The following TET3 variants were observed in gnomAD, a reference collection of about 807,000 sequenced individuals.
The protein encoded by TET3 is methylcytosine dioxygenase TET3.
Under a neutral mutation model 141.4 loss-of-function variants are expected in TET3, and 19 were observed. The observed-to-expected ratio is 0.13, with a 90% confidence interval of 0.09 to 0.20. The LOEUF is 0.20. Ranked by LOEUF, TET3 falls within the 10% of genes least tolerant of loss-of-function variation. The probability of loss-of-function intolerance (pLI) is 1.00; values close to 1 mark genes in which losing one functional copy is unlikely to be tolerated. For synonymous variants in TET3, 1,043 were observed against 980.9 expected (o/e 1.06, Z -1.18); for missense variants, 1,874 against 2,356.9 (o/e 0.80, Z 4.24).
chr2:74,132,984 G>A, the TET3 span, among the ~76,000 whole-genome samples: 1 of 151,798 alleles, frequency 6.6e-6, no homozygotes, highest in South Asian at 2.1e-4. Context: ...TGAAGCCTCT[G>A]CTTCCCAGGT....
At chr2:74,025,529 C>T (rs992310838) in intron 3 of TET3, among the ~76,000 whole-genome samples, 3 of 151,926 alleles carry the variant, frequency 2.0e-5, no homozygotes, top group African/African-American at 7.2e-5. Flanking sequence ...TGTCGTGATC[C>T]GCTGCTGGGA....
chr2:74,023,604 T>A (rs1470677349), intron 3 of TET3, among the ~76,000 whole-genome samples: 1 of 152,208 alleles, frequency 6.6e-6, no homozygotes, highest in Non-Finnish European at 1.5e-5. Context: ...ATCCAGAGAC[T>A]TTAGGCTGTG....
chr2:74,116,236 G>A, the TET3 span, among the ~76,000 whole-genome samples: 1 of 152,072 alleles, frequency 6.6e-6, no homozygotes, highest in African/African-American at 2.4e-5. Flanking sequence ...AGAGAAAAGG[G>A]AACTCTTATA....
chr2:74,110,215 AT>A (rs1037882035), downstream of TET3, among the ~76,000 whole-genome samples: 7 of 149,458 alleles, frequency 4.7e-5, no homozygotes, highest in South Asian at 4.2e-4. Flanking sequence ...TCTGCGTGCA[AT>A]TTTTTTTTTT....
At chr2:74,086,997 C>T (rs1159170577) in intron 6 of TET3, among the ~76,000 whole-genome samples, 1 of 152,098 alleles carries the variant, frequency 6.6e-6, no homozygotes, top group Non-Finnish European at 1.5e-5. Context: ...CCCAGGCCCT[C>T]GTAAGCTCTA....
chr2:74,042,742 G>A (rs182121226), intron 3 of TET3, among the ~76,000 whole-genome samples: 2 of 152,316 alleles, frequency 1.3e-5, no homozygotes, highest in East Asian at 1.9e-4. Flanking sequence ...TGGGAAGGAC[G>A]CTTCTCCTTC....
At chr2:74,069,464 A>C (rs1689087161) in intron 4 of TET3, among the ~76,000 whole-genome samples, 1 of 151,474 alleles carries the variant, frequency 6.6e-6, no homozygotes, top group Non-Finnish European at 1.5e-5. Context: ...TAACATAGGA[A>C]AGTACCTGAA....
rs758996976 is a variant in TET3 at position 74,101,168 on chromosome 2, G to A, written c.4380G>A (p.Ser1460=). 95 of 1,613,666 alleles carry A rather than the reference G, an allele frequency of 5.9e-5. No individual in the cohort carries two copies. The highest frequency in any genetic ancestry group is 8.9e-5 in the East Asian group (4 of 44,888). The change falls in exon 12 of 12, where the codon TCG becomes TCA. Residue 1460 remains serine, a synonymous_variant. Coordinates refer to ENST00000409262, the MANE Select transcript of TET3 (RefSeq NM_001287491.2). This position sits in a 1 kb window ranked among gnomAD's most constrained non-coding sequence, Gnocchi z 8.5. ...NGVGGSWGVF[S]SGESPAIVPD... ...TGGGTGGCAGCTGGGGTGTGTTCTC[G>A]TCTGGGGAGAGTCCTGCCATCGTCC...
intron 2 of TET3, chr2:73,993,117 G>A (rs1451617131): frequency 6.6e-6 from 1 of 152,192 alleles, no homozygotes; most frequent in Non-Finnish European, 1.5e-5. Flanking sequence ...CCACTCCCAA[G>A]GGATTCTGAT....
At chr2:74,011,227 C>CAAAAAAAAAA (rs34155044) in intron 3 of TET3, among the ~76,000 whole-genome samples, 1 of 94,390 alleles carries the variant, frequency 1.1e-5, no homozygotes, top group African/African-American at 3.7e-5. Context: ...GACTCCGTTT[C>CAAAAAAAAAA]AAAAAAAAAA....
At chr2:74,130,402 C>T in the TET3 span, among the ~76,000 whole-genome samples, 1 of 152,216 alleles carries the variant, frequency 6.6e-6, no homozygotes, top group Non-Finnish European at 1.5e-5. Context: ...AATATTAGCG[C>T]CAGTGCAGGT....
At position 74,102,180 on chromosome 2, in the gene TET3, C is replaced by T; in HGVS notation, c.*4C>T. On this transcript the variant is annotated 3_prime_UTR_variant, in exon 12 of 12. Transcript: ENST00000409262. ...CCCCTACAGCCGCTGGATCTAGGTG[C>T]CAGGGAGCCAGCGTACCTCAGCGTC... The T allele has an allele frequency of 1.4e-6, 2 of 1,434,330 alleles. No homozygotes were observed. 88.9% of individuals were successfully genotyped at this position (1,434,330 alleles called of 1,614,324 possible).
chr2:74,085,403 TG>T, intron 6 of TET3, among the ~76,000 whole-genome samples: 1 of 152,324 alleles, frequency 6.6e-6, no homozygotes, highest in Middle Eastern at 3.4e-3. Context: ...ATTGCCTGCC[TG>T]GCTACCCCTT....
At chr2:74,011,271 T>C (rs1439871882) in intron 3 of TET3, among the ~76,000 whole-genome samples, 1 of 150,738 alleles carries the variant, frequency 6.6e-6, no homozygotes, top group East Asian at 1.9e-4. Context: ...AAGTATAGTA[T>C]ACACACGGAA....
intron 6 of TET3, among the ~76,000 whole-genome samples, chr2:74,083,548 T>C (rs1689951176): frequency 6.6e-6 from 1 of 152,180 alleles, no homozygotes; most frequent in Non-Finnish European, 1.5e-5. Context: ...GAGGATCCTG[T>C]GGCTGAGTTG....
Position 74,027,609 on chromosome 2 carries a change from G to A in TET3, c.361-18669G>A, listed in dbSNP as rs1288956902. 2.0e-5 allele frequency among the ~76,000 whole-genome samples: 3 copies of A among 152,048 alleles called. No individual in the cohort carries two copies. In the East Asian group the frequency reaches 5.8e-4, roughly 29 times the overall value. On this transcript the variant is annotated intron_variant, in intron 3 of 11. Transcript: ENST00000409262. ...CCCAATCCATGCATTTCATATAAAT[G>A]GAATGTTATAGTATATATCTTTAGT...
chr2:74,044,304 G>A lies in TET3; in HGVS notation c.361-1974G>A, dbSNP rs528566294. Among the ~76,000 whole-genome samples, 6 of 152,280 alleles carry A rather than the reference G, an allele frequency of 3.9e-5. No individual in the cohort carries two copies. In the South Asian group the frequency reaches 8.3e-4, roughly 21 times the overall value. On this transcript the variant is annotated intron_variant, in intron 3 of 11. Coordinates refer to ENST00000409262, the MANE Select transcript of TET3 (RefSeq NM_001287491.2). ...TAAAAATTTATAGAAAAATAGCAGG[G>A]ATCATACTTGGGACTTCACATACCC...
intron 3 of TET3, among the ~76,000 whole-genome samples, chr2:74,031,695 C>T (rs1573738291): frequency 6.6e-6 from 1 of 152,144 alleles, no homozygotes; most frequent in East Asian, 1.9e-4. Context: ...TAGGTGGATA[C>T]CCTCTGCCAA....
intron 2 of TET3, chr2:74,002,720 T>C (rs1684924518): frequency 2.0e-6 from 1 of 487,810 alleles, no homozygotes. Flanking sequence ...CCGCCTCCTC[T>C]GCAGTGCCTC....
Sources: gnomAD v4.1 joint callset for allele counts (sites outside exome capture counted in the v4.1 genomes callset) on GRCh38, gnomAD v4.1.1 for gene constraint, Gnocchi (gnomAD v3.1) non-coding constraint, MANE v1.5 for transcripts, NCBI Gene and HGNC (gene_info 2026-07-23, HGNC 2026-07-21) for gene names.